Variants in PRELID2 observed in about 807,000 individuals in gnomAD.
The protein encoded by PRELID2 is PRELI domain-containing protein 2.
A neutral mutation model predicts 28.4 loss-of-function variants in PRELID2; 25 were observed. The ratio of observed to expected loss-of-function variants is 0.88; its 90% CI spans 0.64 to 1.23. PRELID2 has a LOEUF of 1.23. PRELID2 is among the 50% of genes most tolerant of loss of function. The pLI is 0.00. For missense variants in PRELID2, 201 were observed against 214.4 expected, an observed-to-expected ratio of 0.94 and a Z score of 0.39; for synonymous variants, 76 against 71.6, an observed-to-expected ratio of 1.06 and a Z score of -0.31.
chr5:145,393,321 T>C, the PRELID2 span, among the ~76,000 whole-genome samples: 1 of 150,988 alleles, frequency 6.6e-6, no homozygotes. Context: ...CTTGGCGGGG[T>C]CCACTCTGTC....
At chr5:145,574,645 T>A (rs572542759) in intron 1 of PRELID2, among the ~76,000 whole-genome samples, 2 of 152,188 alleles carry the variant, frequency 1.3e-5, no homozygotes, top group Non-Finnish European at 2.9e-5. Flanking sequence ...ACAGCACTCT[T>A]CACCTAGTGC....
the PRELID2 span, among the ~76,000 whole-genome samples, chr5:145,407,792 C>T: frequency 7.2e-5 from 11 of 152,164 alleles, no homozygotes; most frequent in African/African-American, 2.2e-4. Context: ...GATAACCAGA[C>T]GTCCTGAGTC....
At chr5:145,591,924 A>G (rs1431480869) in intron 1 of PRELID2, among the ~76,000 whole-genome samples, 2 of 152,188 alleles carry the variant, frequency 1.3e-5, no homozygotes, top group Non-Finnish European at 2.9e-5. Flanking sequence ...GTCTAAACCT[A>G]CTATGTCAGT....
chr5:145,500,918 G>A (rs370743153), intron 1 of PRELID2, among the ~76,000 whole-genome samples: 2 of 152,008 alleles, frequency 1.3e-5, no homozygotes, highest in African/African-American at 4.8e-5. Flanking sequence ...ACAATGCTCC[G>A]GGTGACCAAG....
intron 1 of PRELID2, among the ~76,000 whole-genome samples, chr5:145,645,736 C>T (rs948466159): frequency 2.6e-5 from 4 of 152,190 alleles, no homozygotes; most frequent in Non-Finnish European, 5.9e-5. Context: ...GGTGATGACA[C>T]AATCTCTCAG....
chr5:145,611,299 G>C (rs1181840911), intron 1 of PRELID2, among the ~76,000 whole-genome samples: 1 of 152,036 alleles, frequency 6.6e-6, no homozygotes, highest in Non-Finnish European at 1.5e-5. Context: ...AAGTAGTTGA[G>C]ATTACAGGCA....
chr5:145,586,709 T>A (rs1311769963), intron 1 of PRELID2, among the ~76,000 whole-genome samples: 1 of 152,098 alleles, frequency 6.6e-6, no homozygotes, highest in Non-Finnish European at 1.5e-5. Flanking sequence ...GAGCATGAGG[T>A]AGGTCAGACT....
chr5:145,249,410 T>G, the PRELID2 span, among the ~76,000 whole-genome samples: 1 of 152,172 alleles, frequency 6.6e-6, no homozygotes, highest in African/African-American at 2.4e-5. Context: ...TATATAATAC[T>G]GTCCTATAAT....
intron 1 of PRELID2, among the ~76,000 whole-genome samples, chr5:145,828,560 T>C (rs1368328012): frequency 1.3e-5 from 2 of 152,134 alleles, no homozygotes; most frequent in Non-Finnish European, 2.9e-5. Context: ...GACACTTCAC[T>C]CCACACTAGC....
At chr5:145,297,377 T>C in the PRELID2 span, among the ~76,000 whole-genome samples, 2 of 152,056 alleles carry the variant, frequency 1.3e-5, no homozygotes, top group Admixed American at 1.3e-4. Context: ...CACATGATTA[T>C]CTCAATAGAT....
intron 5 of PRELID2, among the ~76,000 whole-genome samples, chr5:145,777,099 CTT>C (rs1179026594): frequency 6.6e-6 from 1 of 152,128 alleles, no homozygotes; most frequent in African/African-American, 2.4e-5. Context: ...TGATTCACGT[CTT>C]ATATGGAATT....
At chr5:145,765,690 A>C (rs550663785) in intron 5 of PRELID2, among the ~76,000 whole-genome samples, 1 of 152,270 alleles carries the variant, frequency 6.6e-6, no homozygotes, top group East Asian at 1.9e-4. Flanking sequence ...GCAGTTCAAA[A>C]ATCCCTTCCC....
chr5:145,337,384 G>C, the PRELID2 span, among the ~76,000 whole-genome samples: 1 of 151,600 alleles, frequency 6.6e-6, no homozygotes, highest in Non-Finnish European at 1.5e-5. Flanking sequence ...CACCAGCTTG[G>C]TGTCCTGTAA....
At chr5:145,230,193 T>C in the PRELID2 span, 1 of 384,428 alleles carries the variant, frequency 2.6e-6, no homozygotes, top group South Asian at 2.2e-5. Flanking sequence ...CCCAGCTTTG[T>C]TCCGTGGTCC....
chr5:145,426,235 A>G, the PRELID2 span, among the ~76,000 whole-genome samples: 5 of 152,172 alleles, frequency 3.3e-5, no homozygotes, highest in Non-Finnish European at 2.9e-5. Flanking sequence ...AAATATCTAT[A>G]TTCTCTAAAA....
the PRELID2 span, among the ~76,000 whole-genome samples, chr5:145,232,492 C>T: frequency 2.0e-4 from 31 of 152,048 alleles, no homozygotes; most frequent in African/African-American, 5.8e-4. Context: ...AGTAGAGGAG[C>T]GAATGGATGA....
At chr5:145,738,367 T>C (rs1352405155) in intron 1 of PRELID2, among the ~76,000 whole-genome samples, 3 of 152,138 alleles carry the variant, frequency 2.0e-5, no homozygotes, top group Non-Finnish European at 2.9e-5. Flanking sequence ...AACATTAAGA[T>C]GACAGACACA....
chr5:145,496,778 G>C (rs115208891), intron 1 of PRELID2, among the ~76,000 whole-genome samples: 1 of 151,896 alleles, frequency 6.6e-6, no homozygotes, highest in African/African-American at 2.4e-5. Context: ...TCCTACTCCT[G>C]TTCACTCCCC....
At chr5:145,408,413 A>G in the PRELID2 span, among the ~76,000 whole-genome samples, 1 of 144,446 alleles carries the variant, frequency 6.9e-6, no homozygotes, top group Non-Finnish European at 1.5e-5. Context: ...ATATATATAT[A>G]TATATGTATA....
Sources: allele counts gnomAD v4.1 joint callset (sites outside exome capture counted in the v4.1 genomes callset), GRCh38; gene constraint gnomAD v4.1.1; transcripts MANE v1.5; gene names NCBI Gene and HGNC (gene_info 2026-07-23, HGNC 2026-07-21).